CENPK: variants seen among roughly 807,000 people sequenced by gnomAD.
CENPK encodes the protein SoxLZ/Sox6-binding protein Solt.
CENPK carries 46 observed loss-of-function variants against 40.9 expected under a neutral mutation model. The ratio of observed to expected loss-of-function variants is 1.13; its 90% CI spans 0.89 to 1.44. CENPK has a LOEUF of 1.44. CENPK is among the 40% of genes most tolerant of loss of function. The pLI is 0.00. For missense variants in CENPK, 288 were observed against 303.5 expected (o/e 0.95, Z 0.38); for synonymous variants, 107 against 104.4 (o/e 1.02, Z -0.15).
the CENPK span, among the ~76,000 whole-genome samples, chr5:65,500,582 T>G: frequency 6.6e-6 from 1 of 152,220 alleles, no homozygotes; most frequent in Non-Finnish European, 1.5e-5. Flanking sequence ...CACAGGTCTT[T>G]GAGGCTCTGT....
chr5:65,499,582 T>C, the CENPK span, among the ~76,000 whole-genome samples: 1 of 152,012 alleles, frequency 6.6e-6, no homozygotes, highest in African/African-American at 2.4e-5. Context: ...TTGGGAAATA[T>C]TCAGCCACTA....
chr5:65,526,866 G>A lies in CENPK; in HGVS notation c.597+1586C>T, dbSNP rs553478002. ...CCAGCACTTTGGGAGGCTGAGGTGG[G>A]CGGATCAACTGAGGTCAGGAGTTCG... On this transcript the variant is annotated intron_variant, in intron 9 of 10. Coordinates refer to ENST00000396679, the MANE Select transcript of CENPK (RefSeq NM_022145.5). 9.8e-5 allele frequency among the ~76,000 whole-genome samples: 15 copies of A among 152,290 alleles called. No homozygotes were observed. The East Asian group carries it at 2.9e-3, about 29-fold the overall frequency.
intron 5 of CENPK, among the ~76,000 whole-genome samples, chr5:65,549,532 T>C (rs1040240571): frequency 3.9e-5 from 6 of 152,208 alleles, no homozygotes; most frequent in African/African-American, 7.2e-5. Flanking sequence ...TCTGTCTACA[T>C]TGAAAATTTG....
At position 65,532,928 on chromosome 5, in the gene CENPK, A is replaced by AT. The variant is rs1746126175; in HGVS notation, c.289-3730_289-3729insA. On this transcript the variant is annotated intron_variant, in intron 6 of 10. Transcript: ENST00000396679. The stretch of plus-strand genomic sequence containing the variant: ...CCATCTCCAAAAAAAAAAAAAAAAA[A>AT]AAAAAAAATCAATTTTAAAAATCAA... Among the ~76,000 whole-genome samples the AT allele has an allele frequency of 4.6e-5, 7 of 151,080 alleles. No individual in the cohort carries two copies. In the South Asian group the frequency reaches 1.5e-3, roughly 32 times the overall value.
downstream of CENPK, among the ~76,000 whole-genome samples, chr5:65,513,392 G>A (rs1303977292): frequency 2.0e-5 from 3 of 152,276 alleles, no homozygotes; most frequent in East Asian, 1.9e-4. Context: ...TTAGGAAGAC[G>A]TAACACCTTA....
chr5:65,543,314 T>C (rs549421147), intron 5 of CENPK, among the ~76,000 whole-genome samples: 1 of 152,340 alleles, frequency 6.6e-6, no homozygotes, highest in African/African-American at 2.4e-5. Flanking sequence ...TTAGATAAAT[T>C]TGATCCTATT....
intron 5 of CENPK, chr5:65,551,151 G>C: frequency 5.0e-6 from 2 of 401,912 alleles, no homozygotes; most frequent in Non-Finnish European, 9.7e-6. Context: ...TCAGGAGGCT[G>C]AGGTAGGAGG....
chr5:65,509,109 C>A, the CENPK span, among the ~76,000 whole-genome samples: 2 of 152,186 alleles, frequency 1.3e-5, no homozygotes, highest in Non-Finnish European at 2.9e-5. Flanking sequence ...ATTTGATACA[C>A]TTTTTCCCAT....
chr5:65,500,128 T>C, the CENPK span, among the ~76,000 whole-genome samples: 16 of 42,160 alleles, frequency 3.8e-4, 3 homozygotes, highest in African/African-American at 1.3e-3. Context: ...GCAATAAACA[T>C]ACATGTGCAT....
intron 6 of CENPK, 93 bp from the exon 7 acceptor site, chr5:65,529,292 T>G: frequency 1.3e-6 from 1 of 791,610 alleles, no homozygotes. Flanking sequence ...CCAGGATACT[T>G]CCATTCAGAC....
chr5:65,558,099 CA>C (rs1354070780), intron 2 of CENPK, among the ~76,000 whole-genome samples: 2 of 152,026 alleles, frequency 1.3e-5, no homozygotes, highest in African/African-American at 4.8e-5. Flanking sequence ...GGTGACAAAG[CA>C]AGACCGTTAA....
intron 6 of CENPK, among the ~76,000 whole-genome samples, chr5:65,536,389 G>C (rs1056553027): frequency 1.3e-5 from 2 of 152,102 alleles, no homozygotes; most frequent in Non-Finnish European, 2.9e-5. Context: ...CAAGGTGGAA[G>C]GACTGCTTGA....
intron 2 of CENPK, among the ~76,000 whole-genome samples, chr5:65,556,587 A>T (rs1260781513): frequency 1.3e-5 from 2 of 152,344 alleles, no homozygotes; most frequent in Middle Eastern, 3.4e-3. Flanking sequence ...AAAAAGATAA[A>T]GCAAAAAACT....
the CENPK span, among the ~76,000 whole-genome samples, chr5:65,505,394 AG>A: frequency 6.6e-6 from 1 of 152,182 alleles, no homozygotes; most frequent in Non-Finnish European, 1.5e-5. Context: ...GGATTTTGGG[AG>A]GCCAAGGCAA....
chr5:65,533,445 C>T (rs990742494), intron 6 of CENPK, among the ~76,000 whole-genome samples: 2 of 151,960 alleles, frequency 1.3e-5, no homozygotes, highest in Admixed American at 6.6e-5. Flanking sequence ...AAAGTGTCTA[C>T]GAAAAACCTA....
At chr5:65,497,669 G>T in the CENPK span, among the ~76,000 whole-genome samples, 4 of 152,282 alleles carry the variant, frequency 2.6e-5, no homozygotes, top group East Asian at 5.8e-4. Context: ...TTATTGAACA[G>T]GGTTTTAGAA....
chr5:65,559,036 T>C (rs574603207), intron 2 of CENPK, among the ~76,000 whole-genome samples: 2 of 152,124 alleles, frequency 1.3e-5, no homozygotes, highest in South Asian at 2.1e-4. Flanking sequence ...TTTAAGGAGG[T>C]AGACAGTGCA....
the CENPK span, among the ~76,000 whole-genome samples, chr5:65,499,651 C>CT: frequency 1.7e-3 from 218 of 125,710 alleles, 2 homozygotes; most frequent in East Asian, 5.2e-3. Context: ...AATATTAGAT[C>CT]TTTTTTTTTT....
chr5:65,525,343 G>A (rs1039277438), intron 9 of CENPK, among the ~76,000 whole-genome samples: 1 of 151,292 alleles, frequency 6.6e-6, no homozygotes, highest in Non-Finnish European at 1.5e-5. Context: ...TCCAGCCTGG[G>A]TAACAGAACA....
Sources: gnomAD v4.1 joint callset for allele counts (sites outside exome capture counted in the v4.1 genomes callset) on GRCh38, gnomAD v4.1.1 for gene constraint, MANE v1.5 for transcripts, NCBI Gene and HGNC (gene_info 2026-07-23, HGNC 2026-07-21) for gene names.